The following EPM2A variants were observed in gnomAD, a reference collection of about 807,000 sequenced individuals.
The protein encoded by EPM2A is EPM2A glucan phosphatase, laforin.
In EPM2A, 21 loss-of-function variants were observed where a neutral mutation model predicts 26.5. That is an observed-to-expected ratio of 0.79 (90% CI 0.56 to 1.14). The LOEUF (loss-of-function observed/expected upper bound fraction) is 1.14. Ranked by LOEUF, EPM2A falls within the 50% of genes most tolerant of loss-of-function variation. The pLI is 0.00. For synonymous variants in EPM2A, 217 were observed against 177.6 expected, an observed-to-expected ratio of 1.22 and a Z score of -1.76; for missense variants, 458 against 440.8, an observed-to-expected ratio of 1.04 and a Z score of -0.35.
intron 3 of EPM2A, chr6:145,501,909 T>G (rs1422516244): frequency 6.4e-6 from 3 of 470,240 alleles, no homozygotes; most frequent in South Asian, 4.7e-5. Flanking sequence ...TTGTTCTCAT[T>G]TTACAGATGT....
intron 2 of EPM2A, among the ~76,000 whole-genome samples, chr6:145,680,339 CTTTT>C: frequency 6.8e-6 from 1 of 146,596 alleles, no homozygotes; most frequent in East Asian, 2.0e-4. Context: ...GTGCTAATTT[CTTTT>C]TTTTTTCTGC....
intron 2 of EPM2A, among the ~76,000 whole-genome samples, chr6:145,566,673 A>G (rs939663810): frequency 6.6e-6 from 1 of 152,256 alleles, no homozygotes; most frequent in Admixed American, 6.5e-5. Flanking sequence ...AACAGCAAAG[A>G]ACATTCTGAA....
chr6:145,386,917 A>T (rs1778269665), intron 4 of EPM2A, among the ~76,000 whole-genome samples: 3 of 152,130 alleles, frequency 2.0e-5, no homozygotes, highest in African/African-American at 7.2e-5. Flanking sequence ...TGTTTTGTTT[A>T]AAAAGACTTT....
At chr6:145,488,522 TGA>T (rs200590979) in intron 4 of EPM2A, among the ~76,000 whole-genome samples, 20,747 of 139,206 alleles carry the variant, frequency 0.15, 1,824 homozygotes, top group African/African-American at 0.25. Context: ...TGTGTGTGTG[TGA>T]GAGAGAGAGA....
Position 145,480,172 on chromosome 6 carries a change from T to C in EPM2A, c.555+22350A>G, listed in dbSNP as rs149724812. On this transcript the variant is annotated intron_variant, in intron 4 of 4. Transcript: ENST00000638717. Reference sequence around the variant, plus strand: ...CTATAAATAACTACCTAAGACTGGGTAATTTATTTAAAAAAAAAAGAGGTT... The same window carrying C: ...CTATAAATAACTACCTAAGACTGGGCAATTTATTTAAAAAAAAAAGAGGTT... Among the ~76,000 whole-genome samples, 329 of 149,826 alleles carry C rather than the reference T, an allele frequency of 2.2e-3. 4 individuals are homozygous for C. Among genetic ancestry groups the C allele is most frequent in the African/African-American group, 8.0e-3 (319 of 39,674 alleles).
rs79604203 is a variant in EPM2A at position 145,626,985 on chromosome 6, C to A, written c.*431G>T. The A allele has an allele frequency of 3.7e-4, 393 of 1,048,864 alleles. 3 individuals are homozygous for A. The African/African-American group carries it at 6.4e-3, about 17-fold the overall frequency. The allele number at this position is 1,048,864 out of a possible 1,614,324, so 65.0% of individuals were successfully genotyped here. ...CTTATTTCCTCCTTTGGCAACTGAC[C>A]AGCTCACGCACACATACTAGTGATG... is the stretch of plus-strand genomic sequence containing the variant. On this transcript the variant is annotated 3_prime_UTR_variant, in exon 4 of 4. Coordinates refer to ENST00000367519, the MANE Select transcript of EPM2A (RefSeq NM_005670.4).
intron 4 of EPM2A, chr6:145,490,803 G>A: frequency 1.7e-6 from 1 of 585,136 alleles, no homozygotes. Flanking sequence ...CTTTCTACCT[G>A]TATGCTTGTA....
At chr6:145,683,071 C>T (rs1390974973) in intron 2 of EPM2A, among the ~76,000 whole-genome samples, 1 of 152,090 alleles carries the variant, frequency 6.6e-6, no homozygotes, top group Non-Finnish European at 1.5e-5. Flanking sequence ...CTTTCTGACT[C>T]TTTTCTTTTA....
intron 4 of EPM2A, among the ~76,000 whole-genome samples, chr6:145,485,932 C>A (rs1044758687): frequency 6.6e-6 from 1 of 152,180 alleles, no homozygotes; most frequent in Non-Finnish European, 1.5e-5. Flanking sequence ...ACCATGAGAA[C>A]AGTATGGGGG....
rs1323551620 is a variant in EPM2A at position 145,490,099 on chromosome 6, T to C, written c.555+12423A>G. ...ATGGTAGCACACGCACCTTCCCAAT[T>C]TGTTATATAATAGTCATTGATATGT... On this transcript the variant is annotated intron_variant, in intron 4 of 4. Transcript: ENST00000638717. 2.4e-6 allele frequency: 3 copies of C among 1,253,268 alleles called. No homozygotes were observed. In the Admixed American group the frequency reaches 6.7e-5, roughly 28 times the overall value. 77.6% of individuals were successfully genotyped at this position (1,253,268 alleles called of 1,614,324 possible).
chr6:145,486,771 T>C (rs9497322), intron 4 of EPM2A, among the ~76,000 whole-genome samples: 9,397 of 152,202 alleles, frequency 0.062, 970 homozygotes, highest in African/African-American at 0.21. Context: ...GAAAGAATCC[T>C]CTCCTTTTTA....
chr6:145,678,680 C>G (rs1429752295), intron 2 of EPM2A, among the ~76,000 whole-genome samples: 2 of 152,132 alleles, frequency 1.3e-5, no homozygotes, highest in Non-Finnish European at 2.9e-5. Flanking sequence ...CAGAGAAATA[C>G]AAATCAAAAC....
At chr6:145,502,408 T>C (rs1467340685) in intron 3 of EPM2A, 1 of 418,460 alleles carries the variant, frequency 2.4e-6, no homozygotes, top group South Asian at 1.7e-5. Flanking sequence ...AAGTGAGCCA[T>C]AGAGCAGTGT....
At chr6:145,572,119 C>G (rs954920538) in intron 2 of EPM2A, among the ~76,000 whole-genome samples, 1 of 152,126 alleles carries the variant, frequency 6.6e-6, no homozygotes, top group Non-Finnish European at 1.5e-5. Flanking sequence ...CACAACCAGG[C>G]GCACTGCTCA....
chr6:145,384,459 G>C (rs185553116), intron 4 of EPM2A, among the ~76,000 whole-genome samples: 1 of 147,692 alleles, frequency 6.8e-6, no homozygotes, highest in African/African-American at 2.5e-5. Flanking sequence ...TGTGGTCTAA[G>C]ATTCGGTGTC....
At chr6:145,583,235 T>A (rs1781139597) in intron 2 of EPM2A, among the ~76,000 whole-genome samples, 1 of 152,236 alleles carries the variant, frequency 6.6e-6, no homozygotes, top group Non-Finnish European at 1.5e-5. Flanking sequence ...ACACTCTGGC[T>A]TTTTGAGTTG....
chr6:145,617,246 C>A (rs918791034), intron 2 of EPM2A, among the ~76,000 whole-genome samples: 3 of 152,174 alleles, frequency 2.0e-5, no homozygotes, highest in Non-Finnish European at 2.9e-5. Flanking sequence ...CACAAGTTTT[C>A]TTCTTCTCTT....
At chr6:145,467,737 C>T (rs1779418047) in intron 4 of EPM2A, among the ~76,000 whole-genome samples, 1 of 152,024 alleles carries the variant, frequency 6.6e-6, no homozygotes, top group Non-Finnish European at 1.5e-5. Flanking sequence ...ACATGCTATG[C>T]CTCTGCATTT....
intron 2 of EPM2A, among the ~76,000 whole-genome samples, chr6:145,669,167 A>G (rs1779464190): frequency 3.3e-5 from 5 of 151,008 alleles, no homozygotes; most frequent in Admixed American, 3.3e-4. Context: ...GACTTAGAAA[A>G]AGGAAGACAG....
Sources: gnomAD v4.1 joint callset for allele counts (sites outside exome capture counted in the v4.1 genomes callset) on GRCh38, gnomAD v4.1.1 for gene constraint, MANE v1.5 for transcripts, NCBI Gene and HGNC (gene_info 2026-07-23, HGNC 2026-07-21) for gene names.